Variants in RFX3 observed in about 807,000 individuals in gnomAD.
RFX3 encodes transcription factor RFX3.
Under a neutral mutation model 98.6 loss-of-function variants are expected in RFX3, and 14 were observed. The ratio of observed to expected loss-of-function variants is 0.14; its 90% CI spans 0.09 to 0.22. The LOEUF (loss-of-function observed/expected upper bound fraction) is 0.22, where lower values mean the gene tolerates loss of function less well. RFX3 is among the 10% of genes least tolerant of loss of function. The pLI is 1.00. For missense variants in RFX3, 639 were observed against 926.9 expected (o/e 0.69, Z 4.03); for synonymous variants, 383 against 328.4 (o/e 1.17, Z -1.80).
chr9:3,320,915 T>C (rs910250736), intron 4 of RFX3, among the ~76,000 whole-genome samples: 1 of 151,654 alleles, frequency 6.6e-6, no homozygotes, highest in African/African-American at 2.4e-5. Flanking sequence ...TCCAGTCTTT[T>C]TCTTTTTTGA....
rs1365236979 is a variant in RFX3 at position 3,315,418 on chromosome 9, G to A, written c.475-13798C>T. 3.3e-5 allele frequency among the ~76,000 whole-genome samples: 5 copies of A among 152,268 alleles called. No homozygotes were observed. In the East Asian group the frequency reaches 5.8e-4, roughly 18 times the overall value. On this transcript the variant is annotated intron_variant, in intron 4 of 16. Transcript: ENST00000617270. ...TAGCACTAAATGCCCACAAGAGAAA[G>A]CAGGAAAGATCTAAAATTGACACCC...
chr9:3,449,468 G>A (rs990277544), intron 1 of RFX3, among the ~76,000 whole-genome samples: 1 of 152,144 alleles, frequency 6.6e-6, no homozygotes, highest in Admixed American at 6.5e-5. Flanking sequence ...CCTCATTGGT[G>A]CTGTGCTTCT....
At chr9:3,384,952 AG>A (rs1371818012) in intron 2 of RFX3, among the ~76,000 whole-genome samples, 1 of 152,206 alleles carries the variant, frequency 6.6e-6, no homozygotes, top group Non-Finnish European at 1.5e-5. Context: ...TTAGCTTAAA[AG>A]TCAGTCCCTC....
At chr9:3,337,615 G>A (rs1455159527) in intron 3 of RFX3, among the ~76,000 whole-genome samples, 2 of 152,160 alleles carry the variant, frequency 1.3e-5, no homozygotes, top group Admixed American at 1.3e-4. Flanking sequence ...GGGTAGCAAT[G>A]GCAGACAGTC....
At chr9:3,230,819 T>C (rs1818355524) in intron 15 of RFX3, among the ~76,000 whole-genome samples, 1 of 152,246 alleles carries the variant, frequency 6.6e-6, no homozygotes, top group Non-Finnish European at 1.5e-5. Flanking sequence ...AAGTTGTTTG[T>C]AGTTAAGTTA....
intron 1 of RFX3, among the ~76,000 whole-genome samples, chr9:3,511,382 G>A (rs1157776960): frequency 6.6e-6 from 1 of 151,662 alleles, no homozygotes; most frequent in Non-Finnish European, 1.5e-5. Context: ...TTTTAGAATT[G>A]TAAAATAAAC....
chr9:3,304,382 G>C (rs1425853739), intron 4 of RFX3, among the ~76,000 whole-genome samples: 1 of 151,878 alleles, frequency 6.6e-6, no homozygotes, highest in Non-Finnish European at 1.5e-5. Context: ...GTGTGCAAAA[G>C]ATCATGATTA....
intron 1 of RFX3, among the ~76,000 whole-genome samples, chr9:3,472,760 C>T (rs1848885504): frequency 6.6e-6 from 1 of 152,166 alleles, no homozygotes; most frequent in South Asian, 2.1e-4. Flanking sequence ...CTAGGCTTAT[C>T]AAATCCCTAT....
At chr9:3,226,731 C>T (rs952241966) in intron 16 of RFX3, among the ~76,000 whole-genome samples, 37 of 152,156 alleles carry the variant, frequency 2.4e-4, no homozygotes, top group Non-Finnish European at 5.4e-4. Flanking sequence ...ACATTTACTT[C>T]ATCAAGAGGG....
intron 1 of RFX3, among the ~76,000 whole-genome samples, chr9:3,500,787 A>G (rs1815918391): frequency 6.6e-6 from 1 of 152,202 alleles, no homozygotes; most frequent in Non-Finnish European, 1.5e-5. Context: ...TACTAGTCAC[A>G]AGGCACGTGT....
intron 15 of RFX3, among the ~76,000 whole-genome samples, chr9:3,232,943 T>C (rs902546115): frequency 2.6e-5 from 4 of 152,168 alleles, no homozygotes; most frequent in African/African-American, 9.7e-5. Flanking sequence ...AGAAAGTATA[T>C]GGCCTTCAAT....
chr9:3,308,862 G>C (rs1336383576), intron 4 of RFX3, among the ~76,000 whole-genome samples: 1 of 152,074 alleles, frequency 6.6e-6, no homozygotes, highest in Non-Finnish European at 1.5e-5. Flanking sequence ...AGAGGAACTG[G>C]AGAATTACAG....
chr9:3,396,250 C>T (rs1439200935), intron 1 of RFX3, among the ~76,000 whole-genome samples: 1 of 151,724 alleles, frequency 6.6e-6, no homozygotes, highest in African/African-American at 2.4e-5. Context: ...TCCATGTGTT[C>T]TCATTGTTCA....
At chr9:3,523,148 T>C (rs1818886116) in intron 1 of RFX3, among the ~76,000 whole-genome samples, 1 of 152,210 alleles carries the variant, frequency 6.6e-6, no homozygotes. Flanking sequence ...AGTTAGGCAT[T>C]ATGACATACA....
At chr9:3,517,467 T>G (rs570418503) in intron 1 of RFX3, among the ~76,000 whole-genome samples, 1 of 152,306 alleles carries the variant, frequency 6.6e-6, no homozygotes, top group African/African-American at 2.4e-5. Context: ...CTCTATTAGT[T>G]TTCCTAAGCT....
intron 1 of RFX3, among the ~76,000 whole-genome samples, chr9:3,474,089 C>T (rs528610777): frequency 2.0e-5 from 3 of 152,060 alleles, no homozygotes; most frequent in Non-Finnish European, 4.4e-5. Context: ...GGGCTGGGAA[C>T]CACACTTTGA....
intron 2 of RFX3, among the ~76,000 whole-genome samples, chr9:3,353,592 T>C (rs1389863160): frequency 1.3e-5 from 2 of 151,960 alleles, no homozygotes; most frequent in Non-Finnish European, 1.5e-5. Flanking sequence ...AAAGCCTTAG[T>C]AGTAGGGCTG....
At chr9:3,308,258 A>G (rs1829559029) in intron 4 of RFX3, among the ~76,000 whole-genome samples, 1 of 152,112 alleles carries the variant, frequency 6.6e-6, no homozygotes, top group African/African-American at 2.4e-5. Context: ...TCACAATCAG[A>G]TAAGACTCTA....
chr9:3,464,781 G>A (rs866113350), intron 1 of RFX3, among the ~76,000 whole-genome samples: 50 of 152,166 alleles, frequency 3.3e-4, no homozygotes, highest in African/African-American at 6.7e-4. Context: ...TCCCAATAAA[G>A]CTGATTTAAC....
Sources: gnomAD v4.1 joint callset for allele counts (sites outside exome capture counted in the v4.1 genomes callset) on GRCh38, gnomAD v4.1.1 for gene constraint, MANE v1.5 for transcripts, NCBI Gene and HGNC (gene_info 2026-07-23, HGNC 2026-07-21) for gene names.